Variants in DDX31 observed in about 807,000 individuals in gnomAD.
DDX31 encodes DEAD-box helicase 31.
DDX31 carries 70 observed loss-of-function variants against 91.3 expected under a neutral mutation model. The observed-to-expected ratio is 0.77, with a 90% confidence interval of 0.63 to 0.94. The LOEUF (loss-of-function observed/expected upper bound fraction) is 0.94, where lower values mean the gene tolerates loss of function less well. Ranked by LOEUF, DDX31 falls within the 40% of genes least tolerant of loss-of-function variation. The pLI is 0.00. For missense variants in DDX31, 902 were observed against 925.0 expected, an observed-to-expected ratio of 0.98 and a Z score of 0.32; for synonymous variants, 362 against 350.6, an observed-to-expected ratio of 1.03 and a Z score of -0.36.
chr9:132,669,804 C>A, intron 1 of DDX31, 56 bp downstream of exon 1: 1 of 1,523,744 alleles, frequency 6.6e-7, no homozygotes, highest in South Asian at 1.2e-5. Context: ...CAGCTCGCGG[C>A]GCGCCCACAG....
Position 132,648,451 on chromosome 9 carries a change from C to A in DDX31, c.841G>T (p.Val281Leu). ...NIHFSRLRWLVFDEADRILDL... is the reference protein window; with the variant it reads ...NIHFSRLRWLLFDEADRILDL... Reference sequence around the variant, plus strand: ...GCTCACCTGTCTGCTTCATCAAACACCAACCACCGCAGCCGACTAAAATGA... The same window carrying A: ...GCTCACCTGTCTGCTTCATCAAACAACAACCACCGCAGCCGACTAAAATGA... The change falls in exon 10 of 20, where the codon GTG becomes TTG. Residue 281 changes from valine to leucine, a missense_variant. By Grantham distance (32) the Val-to-Leu change is conservative. Coordinates refer to ENST00000372159, the MANE Select transcript of DDX31 (RefSeq NM_022779.9). The A allele has an allele frequency of 6.2e-7, 1 of 1,613,860 alleles. No homozygotes were observed. The highest frequency in any genetic ancestry group is 8.5e-7 in the Non-Finnish European group (1 of 1,179,944).
At chr9:132,625,556 T>C (rs1008428129) in intron 17 of DDX31, 108 bp downstream of exon 17, 21 of 810,510 alleles carry the variant, frequency 2.6e-5, no homozygotes, top group Admixed American at 1.7e-4. Flanking sequence ...GTTCTTAAAA[T>C]AAATGTATTG....
intron 14 of DDX31, among the ~76,000 whole-genome samples, chr9:132,639,115 G>A (rs557192291): frequency 6.6e-5 from 10 of 152,092 alleles, no homozygotes; most frequent in South Asian, 2.1e-4. Context: ...TTAAAAGGAC[G>A]CAGAGTGGCA....
intron 19 of DDX31, among the ~76,000 whole-genome samples, chr9:132,609,050 GC>G (rs1221564911): frequency 6.6e-6 from 1 of 152,186 alleles, no homozygotes; most frequent in East Asian, 1.9e-4. Context: ...CCTTCGAAAG[GC>G]AGGGGTGGGG....
intron 14 of DDX31, among the ~76,000 whole-genome samples, chr9:132,636,795 T>C (rs1833147322): frequency 6.6e-6 from 1 of 152,148 alleles, no homozygotes; most frequent in Admixed American, 6.5e-5. Flanking sequence ...CCACAGTGAA[T>C]AAGGAGAAAG....
Position 132,594,929 on chromosome 9 carries a change from T to G in DDX31, c.2178A>C (p.Thr726=). Reference sequence around the variant, plus strand: ...CTTTTTGGGTTTTTCTCCATTTTAATGTTTTCCCACGGCCAAAGCAGGGTG... The same window carrying G: ...CTTTTTGGGTTTTTCTCCATTTTAAGGTTTTCCCACGGCCAAAGCAGGGTG... ...QPTPCFGRGK[T]LKWRKTQKGV... The change falls in exon 20 of 20, where the codon ACA becomes ACC. Residue 726 remains threonine, a synonymous_variant. Coordinates refer to ENST00000372159, the MANE Select transcript of DDX31 (RefSeq NM_022779.9). 1 of 1,614,216 alleles carries G rather than the reference T, an allele frequency of 6.2e-7. No homozygotes were observed. Among genetic ancestry groups the G allele is most frequent in the South Asian group, 1.1e-5 (1 of 91,086 alleles).
chr9:132,618,238 C>G, intron 18 of DDX31, 92 bp downstream of exon 18: 1 of 1,044,192 alleles, frequency 9.6e-7, no homozygotes, highest in Non-Finnish European at 1.4e-6. Flanking sequence ...TCCATGTTGG[C>G]CTCTCAACCG....
At chr9:132,601,070 C>A (rs1280324739) in intron 19 of DDX31, among the ~76,000 whole-genome samples, 1 of 152,168 alleles carries the variant, frequency 6.6e-6, no homozygotes, top group East Asian at 1.9e-4. Flanking sequence ...ACTGAAAATA[C>A]TGACTGAGAA....
intron 19 of DDX31, among the ~76,000 whole-genome samples, chr9:132,604,528 C>T (rs577068452): frequency 3.9e-5 from 6 of 152,284 alleles, no homozygotes; most frequent in Non-Finnish European, 8.8e-5. Flanking sequence ...TGCTGCCCTG[C>T]CATGTGAAGA....
chr9:132,650,113 C>T (rs1480134432), intron 9 of DDX31, 121 bp downstream of exon 9: 3 of 928,536 alleles, frequency 3.2e-6, no homozygotes, highest in Non-Finnish European at 5.3e-6. Context: ...CCCTGTGCAC[C>T]GGGACTAGGA....
chr9:132,633,029 C>T (rs756080998), intron 14 of DDX31, among the ~76,000 whole-genome samples: 4 of 152,142 alleles, frequency 2.6e-5, no homozygotes, highest in Admixed American at 6.5e-5. Flanking sequence ...ACTTACTACC[C>T]ACCACACACT....
intron 18 of DDX31, among the ~76,000 whole-genome samples, chr9:132,616,786 A>G (rs1831662527): frequency 6.6e-6 from 1 of 152,210 alleles, no homozygotes; most frequent in African/African-American, 2.4e-5. Context: ...ATTATTAGAG[A>G]AAAGTCTAGA....
chr9:132,639,662 C>G (rs1369707072), intron 14 of DDX31, among the ~76,000 whole-genome samples: 1 of 152,222 alleles, frequency 6.6e-6, no homozygotes, highest in Non-Finnish European at 1.5e-5. Context: ...TTCTTCCACG[C>G]AGAGCTACTA....
intron 19 of DDX31, among the ~76,000 whole-genome samples, chr9:132,601,790 G>T (rs1178060957): frequency 6.6e-6 from 1 of 152,210 alleles, no homozygotes; most frequent in Non-Finnish European, 1.5e-5. Context: ...CCTCTGAGCA[G>T]GGGTCCTGGC....
intron 9 of DDX31, 148 bp from the exon 10 acceptor site, chr9:132,648,699 G>A (rs768153048): frequency 1.5e-5 from 13 of 885,458 alleles, no homozygotes; most frequent in Non-Finnish European, 2.0e-5. Context: ...ATAAAAACTG[G>A]GTAGAAAGCT....
At chr9:132,623,344 T>C (rs1832164201) in intron 17 of DDX31, among the ~76,000 whole-genome samples, 1 of 150,970 alleles carries the variant, frequency 6.6e-6, no homozygotes, top group African/African-American at 2.4e-5. Context: ...GATCACAAAG[T>C]CAAGAGATTG....
At chr9:132,669,061 G>A (rs1037799243) in intron 1 of DDX31, among the ~76,000 whole-genome samples, 3 of 152,166 alleles carry the variant, frequency 2.0e-5, no homozygotes, top group African/African-American at 7.2e-5. Flanking sequence ...CTCAGGTTAA[G>A]ATAAAAGATT....
At chr9:132,652,515 T>C (rs1324106401) in intron 6 of DDX31, 23 bp from the exon 7 acceptor site, 4 of 1,613,454 alleles carry the variant, frequency 2.5e-6, no homozygotes, top group Admixed American at 3.3e-5. Context: ...AGAAAAAAAA[T>C]GCCATGAGCA....
At chr9:132,669,543 G>T (rs1180262193) in intron 1 of DDX31, 1 of 1,423,620 alleles carries the variant, frequency 7.0e-7, no homozygotes, top group Non-Finnish European at 9.3e-7. Context: ...TTTGGCCTGG[G>T]ACTTGCGCCG....
Sources: gnomAD v4.1 joint callset for allele counts (sites outside exome capture counted in the v4.1 genomes callset) on GRCh38, gnomAD v4.1.1 for gene constraint, MANE v1.5 for transcripts, NCBI Gene and HGNC (gene_info 2026-07-23, HGNC 2026-07-21) for gene names.